Variants in ATP6V0A1 observed in about 807,000 individuals in gnomAD.
ATP6V0A1 encodes the protein V-type proton ATPase 116 kDa subunit a 1.
In ATP6V0A1, 43 loss-of-function variants were observed where a neutral mutation model predicts 105.4. That is an observed-to-expected ratio of 0.41 (90% CI 0.32 to 0.53). ATP6V0A1 has a LOEUF of 0.53. Ranked by LOEUF, ATP6V0A1 falls within the 20% of genes least tolerant of loss-of-function variation. The pLI, the probability that ATP6V0A1 is intolerant of heterozygous loss-of-function variation, is 0.30. For missense variants in ATP6V0A1, 676 were observed against 1,051.1 expected, an observed-to-expected ratio of 0.64 and a Z score of 4.93; for synonymous variants, 362 against 372.8, an observed-to-expected ratio of 0.97 and a Z score of 0.33.
At chr17:42,494,086 T>C (rs955976019) in intron 11 of ATP6V0A1, among the ~76,000 whole-genome samples, 4 of 151,818 alleles carry the variant, frequency 2.6e-5, no homozygotes, top group Non-Finnish European at 5.9e-5. Flanking sequence ...CTACTAAAAA[T>C]ACAAAACTTA....
At chr17:42,503,440 T>C (rs1235528544) in intron 17 of ATP6V0A1, among the ~76,000 whole-genome samples, 1 of 152,210 alleles carries the variant, frequency 6.6e-6, no homozygotes, top group Non-Finnish European at 1.5e-5. Context: ...CTCCGATGTG[T>C]CGTGTGTACT....
intron 13 of ATP6V0A1, 43 bp downstream of exon 13, chr17:42,495,231 A>G: frequency 1.3e-6 from 2 of 1,596,516 alleles, no homozygotes; most frequent in South Asian, 2.2e-5. Context: ...TATTCCTTTC[A>G]TGTGCAGCCC....
Position 42,521,193 on chromosome 17 carries a change from C to A in ATP6V0A1, c.*73C>A. The A allele has an allele frequency of 7.3e-7, 1 of 1,365,424 alleles. No homozygotes were observed. Among genetic ancestry groups the A allele is most frequent in the Non-Finnish European group, 1.0e-6 (1 of 998,990 alleles). 84.6% of individuals were successfully genotyped at this position (1,365,424 alleles called of 1,614,324 possible). A position where few individuals can be genotyped will look rare whatever the true frequency, so the allele number is the denominator to read the frequency against. ...CACAGTGATCAGCTGTGCCTCTCTG[C>A]CTGTTGGTTGTGATCTGTGGGCACC... On this transcript the variant is annotated 3_prime_UTR_variant, in exon 22 of 22. Coordinates refer to ENST00000343619, the MANE Select transcript of ATP6V0A1 (RefSeq NM_001130021.3). This position sits in a 1 kb window ranked among gnomAD's most constrained non-coding sequence, Gnocchi z 4.8.
intron 21 of ATP6V0A1, chr17:42,520,392 A>G (rs1490116830): frequency 2.2e-6 from 1 of 456,290 alleles, no homozygotes. Context: ...TCAGGCATGG[A>G]TGCTGAACTG....
In ATP6V0A1 at chr17:42,507,625, G is replaced by A. The variant is rs1319070308; in HGVS notation, c.2110G>A (p.Glu704Lys). ...QLSTHSEDADEPSEDEVFDFG... is the reference protein window; with the variant it reads ...QLSTHSEDADKPSEDEVFDFG... The stretch of plus-strand genomic sequence containing the variant: ...CTCCACCCACTCAGAGGACGCAGAC[G>A]AGGTAAGATCCCGTGGTGTGGGCTT... The change falls in exon 18 of 22, where the codon GAG (glutamate) becomes AAG (lysine). Residue 704 changes from glutamate (E) to lysine (K), a missense_variant and splice_region_variant. Glu to Lys is a moderately conservative substitution (Grantham distance 56). Coordinates refer to ENST00000343619, the MANE Select transcript of ATP6V0A1 (RefSeq NM_001130021.3). 7 of 1,613,454 alleles carry A rather than the reference G, an allele frequency of 4.3e-6. No individual in the cohort carries two copies. Among genetic ancestry groups the A allele is most frequent in the Non-Finnish European group, 5.9e-6 (7 of 1,179,504 alleles).
intron 4 of ATP6V0A1, among the ~76,000 whole-genome samples, chr17:42,468,635 T>G (rs1482579101): frequency 6.6e-6 from 1 of 152,178 alleles, no homozygotes; most frequent in African/African-American, 2.4e-5. Context: ...AAAACTTGTA[T>G]TATTTGTCTG....
chr17:42,514,215 T>C, intron 20 of ATP6V0A1, 74 bp from the exon 21 acceptor site: 1 of 1,515,928 alleles, frequency 6.6e-7, no homozygotes, highest in Non-Finnish European at 8.9e-7. Context: ...AGCAGGGGGA[T>C]GGCAGAGCAA....
Position 42,483,023 on chromosome 17 carries a change from G to A in ATP6V0A1, c.717-15G>A. ...ATTAGATAAGTTAAGAAACTTCGAT[G>A]TTCTTATATTCCAGGTTCCGAGCCT... is the stretch of plus-strand genomic sequence containing the variant. On this transcript the variant is annotated splice_polypyrimidine_tract_variant and intron_variant, in intron 8 of 21. Transcript: ENST00000343619. 1 of 1,435,756 alleles carries A rather than the reference G, an allele frequency of 7.0e-7. No individual in the cohort carries two copies. The highest frequency in any genetic ancestry group is 1.4e-5 in the African/African-American group (1 of 69,236). 88.9% of individuals were successfully genotyped at this position (1,435,756 alleles called of 1,614,324 possible).
At chr17:42,482,045 T>C (rs2089579835) in intron 8 of ATP6V0A1, among the ~76,000 whole-genome samples, 1 of 152,190 alleles carries the variant, frequency 6.6e-6, no homozygotes, top group Non-Finnish European at 1.5e-5. Flanking sequence ...TTTTGCCGTG[T>C]TGGCCAGGCT....
intron 19 of ATP6V0A1, among the ~76,000 whole-genome samples, chr17:42,508,989 C>T (rs890442954): frequency 2.0e-5 from 3 of 151,968 alleles, no homozygotes; most frequent in African/African-American, 7.3e-5. Context: ...CCTCCCTGCT[C>T]CTCCTAGTGC....
At chr17:42,477,119 G>A (rs1407482410) in intron 5 of ATP6V0A1, among the ~76,000 whole-genome samples, 2 of 152,214 alleles carry the variant, frequency 1.3e-5, no homozygotes, top group Non-Finnish European at 2.9e-5. Flanking sequence ...TTCAAAGACA[G>A]TGGCAGTGCC....
intron 15 of ATP6V0A1, 36 bp downstream of exon 15, chr17:42,499,078 A>G (rs760039210): frequency 7.1e-7 from 1 of 1,410,990 alleles, no homozygotes; most frequent in Non-Finnish European, 1.0e-6. Context: ...GAATGTGCAT[A>G]GTTTAGAGAA....
chr17:42,517,988 A>C (rs956243859), intron 21 of ATP6V0A1: 2 of 152,388 alleles, frequency 1.3e-5, no homozygotes, highest in Admixed American at 1.3e-4. Context: ...AACAGTGAGC[A>C]GGCTAATGTA....
Position 42,500,817 on chromosome 17 carries a change from A to G in ATP6V0A1, c.1790A>G (p.Tyr597Cys), listed in dbSNP as rs367635343. ...CTTATTTTTTACAAGTGGACGGCCT[A>G]TGATGCTCATACCTCTGAGAATGCA... ...VILIFYKWTA[Y>C]DAHTSENAPS... Residue 597 changes from tyrosine to cysteine, a missense_variant, in exon 16 of 22, where the codon TAT (tyrosine) becomes TGT (cysteine). Tyr to Cys is a radical substitution (Grantham distance 194). This residue lies in a region of ATP6V0A1 where 435 missense variants were observed against 642.2 expected (regional missense o/e 0.68). Coordinates refer to ENST00000343619, the MANE Select transcript of ATP6V0A1 (RefSeq NM_001130021.3). 3.1e-6 allele frequency: 5 copies of G among 1,613,870 alleles called. No homozygotes were observed. The African/African-American group carries it at 4.0e-5, about 13-fold the overall frequency.
At chr17:42,499,179 T>C (rs984116447) in intron 15 of ATP6V0A1, 137 bp downstream of exon 15, 10 of 710,744 alleles carry the variant, frequency 1.4e-5, no homozygotes, top group Non-Finnish European at 2.4e-6. Context: ...TTCTAAAAAT[T>C]TAATGGTGTG....
intron 2 of ATP6V0A1, among the ~76,000 whole-genome samples, chr17:42,461,737 C>T (rs1011327025): frequency 6.6e-6 from 1 of 152,168 alleles, no homozygotes; most frequent in Non-Finnish European, 1.5e-5. Context: ...TGTGATTGCA[C>T]GCAGCCTGGG....
intron 5 of ATP6V0A1, among the ~76,000 whole-genome samples, chr17:42,477,167 A>G (rs1278070160): frequency 6.6e-6 from 1 of 152,230 alleles, no homozygotes; most frequent in Non-Finnish European, 1.5e-5. Context: ...TATCTTTCAC[A>G]TTCTCACGTA....
intron 15 of ATP6V0A1, among the ~76,000 whole-genome samples, chr17:42,499,850 T>G (rs2146115766): frequency 6.6e-6 from 1 of 152,252 alleles, no homozygotes; most frequent in East Asian, 1.9e-4. Flanking sequence ...AACAATTTAC[T>G]GTTCCAGTAA....
chr17:42,516,379 C>G (rs776094523), intron 21 of ATP6V0A1, among the ~76,000 whole-genome samples: 27 of 152,150 alleles, frequency 1.8e-4, no homozygotes, highest in Non-Finnish European at 3.1e-4. Context: ...GTCAGTAGAC[C>G]TGGCTTCCTC....
Sources: gnomAD v4.1 joint callset for allele counts (sites outside exome capture counted in the v4.1 genomes callset) on GRCh38, gnomAD v4.1.1 for gene constraint, gnomAD v4.1.1 regional missense constraint, Gnocchi (gnomAD v3.1) non-coding constraint, MANE v1.5 for transcripts, NCBI Gene and HGNC (gene_info 2026-07-23, HGNC 2026-07-21) for gene names.